The following CFAP299 variants were observed in gnomAD, a reference collection of about 807,000 sequenced individuals.
The protein encoded by CFAP299 is cilia and flagella associated protein 299.
Under a neutral mutation model 27.0 loss-of-function variants are expected in CFAP299, and 21 were observed. That is an observed-to-expected ratio of 0.78 (90% CI 0.55 to 1.12). The LOEUF (loss-of-function observed/expected upper bound fraction) is 1.12, where lower values mean the gene tolerates loss of function less well. Among genes scored for constraint, CFAP299 ranks in the 50% most tolerant of loss-of-function variants. CFAP299 has a pLI of 0.00. For synonymous variants in CFAP299, 104 were observed against 98.1 expected (o/e 1.06, Z -0.36); for missense variants, 310 against 276.6 (o/e 1.12, Z -0.86).
At chr4:80,546,032 A>G (rs983124073) in intron 2 of CFAP299, among the ~76,000 whole-genome samples, 1 of 152,122 alleles carries the variant, frequency 6.6e-6, no homozygotes, top group African/African-American at 2.4e-5. Context: ...CACAGAAAAG[A>G]CCTTTGGTAA....
rs375435929 is a variant in CFAP299 at position 80,532,827 on chromosome 4, A to G, written c.243-50266A>G. On this transcript the variant is annotated intron_variant, in intron 2 of 5. Transcript: ENST00000358105. ...AGACATTGTTCATAAAAGCAGGAAG[A>G]AAACTCTGCAAAGCTAGCAGTGACG... is the stretch of plus-strand genomic sequence containing the variant. Among the ~76,000 whole-genome samples the G allele has an allele frequency of 9.3e-4, 142 of 152,344 alleles. No individual in the cohort carries two copies. In the South Asian group the frequency reaches 0.019, roughly 20 times the overall value.
chr4:80,660,276 G>T (rs556040259), intron 3 of CFAP299, among the ~76,000 whole-genome samples: 50 of 152,098 alleles, frequency 3.3e-4, no homozygotes, highest in African/African-American at 1.2e-3. Flanking sequence ...AAGATAAAAA[G>T]AATGGCGGGG....
intron 2 of CFAP299, among the ~76,000 whole-genome samples, chr4:80,489,569 G>A (rs1298487653): frequency 1.3e-5 from 2 of 152,118 alleles, no homozygotes; most frequent in African/African-American, 2.4e-5. Flanking sequence ...CGTATGATGA[G>A]CCAAGTTTAT....
intron 3 of CFAP299, among the ~76,000 whole-genome samples, chr4:80,840,622 C>G (rs572549764): frequency 6.6e-6 from 1 of 152,068 alleles, no homozygotes; most frequent in East Asian, 1.9e-4. Context: ...TCTGCTTATT[C>G]TCATGGTTTG....
chr4:80,381,070 CT>C (rs1462547633), intron 2 of CFAP299, among the ~76,000 whole-genome samples: 1 of 152,066 alleles, frequency 6.6e-6, no homozygotes, highest in African/African-American at 2.4e-5. Context: ...ACTTTTATGT[CT>C]TCTATTAACT....
At position 80,631,859 on chromosome 4, in the gene CFAP299, G is replaced by GCCCCCCCCCCCC. The variant is rs34119726; in HGVS notation, c.333+48680_333+48681insCCCCCCCCCCCC. Among the ~76,000 whole-genome samples the GCCCCCCCCCCCC allele has an allele frequency of 3.3e-4, 7 of 21,470 alleles. 2 individuals are homozygous for GCCCCCCCCCCCC. Among genetic ancestry groups the GCCCCCCCCCCCC allele is most frequent in the South Asian group, 3.0e-3 (1 of 336 alleles). 14.1% of individuals were successfully genotyped at this position (21,470 alleles called of 152,430 possible). The stretch of plus-strand genomic sequence containing the variant: ...TTAGGCTATCAGTCTGAATATTTGT[G>GCCCCCCCCCCCC]CCCCACCCCCCCCCAACCAAATTCA... On this transcript the variant is annotated intron_variant, in intron 3 of 5. Transcript: ENST00000358105.
rs1560543523 is a variant in CFAP299, at chr4:80,390,730, T to TATATGTATATACACAC, written c.242+27857_242+27858insCACACATATGTATATA. 9.8e-4 allele frequency among the ~76,000 whole-genome samples: 140 copies of TATATGTATATACACAC among 142,940 alleles called. 2 individuals carry two copies. The highest frequency in any genetic ancestry group is 3.4e-3 in the African/African-American group (128 of 38,112). 93.8% of individuals were successfully genotyped at this position (142,940 alleles called of 152,430 possible). A position where few individuals can be genotyped will look rare whatever the true frequency, so the allele number is the denominator to read the frequency against. On this transcript the variant is annotated intron_variant, in intron 2 of 5. Transcript: ENST00000358105. ...ATATATGTATACACACATACATGTATATATGTATATATGTATATATACACA... is the reference window on the plus strand; with the variant it reads ...ATATATGTATACACACATACATGTATATATGTATATACACACATATGTATATATGTATATATACACA...
chr4:80,797,226 A>G (rs1470127921), intron 3 of CFAP299, among the ~76,000 whole-genome samples: 3 of 152,078 alleles, frequency 2.0e-5, no homozygotes, highest in East Asian at 3.9e-4. Context: ...AACAGCATAA[A>G]TTGTTGCTAG....
chr4:80,653,325 A>G (rs1178301046), intron 3 of CFAP299, among the ~76,000 whole-genome samples: 1 of 152,092 alleles, frequency 6.6e-6, no homozygotes, highest in African/African-American at 2.4e-5. Flanking sequence ...TTCCTTTGCC[A>G]TCTGTCTCCT....
chr4:80,683,515 C>A (rs1481780638), intron 3 of CFAP299, among the ~76,000 whole-genome samples: 1 of 152,176 alleles, frequency 6.6e-6, no homozygotes, highest in African/African-American at 2.4e-5. Context: ...TATCTTCTTT[C>A]ACTAACCTAT....
intron 2 of CFAP299, among the ~76,000 whole-genome samples, chr4:80,414,984 A>G (rs1408521235): frequency 1.3e-5 from 2 of 152,206 alleles, no homozygotes; most frequent in African/African-American, 2.4e-5. Context: ...TGCTTGAAAC[A>G]TAGAGGCGCT....
At chr4:80,551,203 A>G (rs1320981871) in intron 2 of CFAP299, among the ~76,000 whole-genome samples, 2 of 152,200 alleles carry the variant, frequency 1.3e-5, no homozygotes, top group African/African-American at 4.8e-5. Flanking sequence ...TTTGACAATT[A>G]CTTGTTAATT....
At chr4:80,389,379 A>G (rs1725207008) in intron 2 of CFAP299, among the ~76,000 whole-genome samples, 1 of 152,158 alleles carries the variant, frequency 6.6e-6, no homozygotes, top group African/African-American at 2.4e-5. Flanking sequence ...TTAAGAGTCT[A>G]AGGATTTATT....
intron 2 of CFAP299, among the ~76,000 whole-genome samples, chr4:80,493,188 A>G (rs756676133): frequency 6.6e-6 from 1 of 152,202 alleles, no homozygotes; most frequent in African/African-American, 2.4e-5. Context: ...TCCCATTGTT[A>G]TAAATAAAGT....
rs1395152804 is a variant in CFAP299 at position 80,870,911 on chromosome 4, AT to A, written c.476+779del. The A allele has an allele frequency of 5.1e-6, 5 of 981,890 alleles. No individual in the cohort carries two copies. The African/African-American group carries it at 8.8e-5, about 17-fold the overall frequency. The allele number at this position is 981,890 out of a possible 1,614,324, so 60.8% of individuals were successfully genotyped here. ...CTTCCTTATCCATCACCTTTTTTTG[AT>A]TTGTTTGTTTTTGAGATGGAGTCTC... On this transcript the variant is annotated intron_variant, in intron 4 of 5. Transcript: ENST00000358105.
Position 80,523,993 on chromosome 4 carries a change from G to A in CFAP299, c.243-59100G>A, listed in dbSNP as rs568499466. On this transcript the variant is annotated intron_variant, in intron 2 of 5. Coordinates refer to ENST00000358105, the MANE Select transcript of CFAP299 (RefSeq NM_152770.3). ...GCCACAGTGAGTTTTATAATAGCCA[G>A]GCCTTTGGGTTAATACTGAAACAGT... is the stretch of plus-strand genomic sequence containing the variant. 6.1e-4 allele frequency among the ~76,000 whole-genome samples: 92 copies of A among 152,038 alleles called. 1 individual carries two copies. Among genetic ancestry groups the A allele is most frequent in the African/African-American group, 2.1e-3 (85 of 41,454 alleles).
At chr4:80,565,786 A>G (rs1260140306) in intron 2 of CFAP299, among the ~76,000 whole-genome samples, 3 of 152,124 alleles carry the variant, frequency 2.0e-5, no homozygotes, top group Non-Finnish European at 4.4e-5. Flanking sequence ...TAAACACGTT[A>G]TTGATAATAA....
intron 3 of CFAP299, among the ~76,000 whole-genome samples, chr4:80,817,925 C>G (rs1729506877): frequency 6.6e-6 from 1 of 151,796 alleles, no homozygotes; most frequent in Non-Finnish European, 1.5e-5. Context: ...TGGTTTGCTG[C>G]ACAGATCATC....
intron 2 of CFAP299, among the ~76,000 whole-genome samples, chr4:80,576,712 T>C (rs1182870230): frequency 6.6e-6 from 1 of 152,208 alleles, no homozygotes; most frequent in Non-Finnish European, 1.5e-5. Context: ...GTTTTTCACT[T>C]TGCTCTTCAT....
Sources: gnomAD v4.1 joint callset for allele counts (sites outside exome capture counted in the v4.1 genomes callset) on GRCh38, gnomAD v4.1.1 for gene constraint, MANE v1.5 for transcripts, NCBI Gene and HGNC (gene_info 2026-07-23, HGNC 2026-07-21) for gene names.